Variants in CTNNA2 observed in about 807,000 individuals in gnomAD.
The protein encoded by CTNNA2 is catenin alpha-2.
Under a neutral mutation model 101.0 loss-of-function variants are expected in CTNNA2, and 42 were observed. The ratio of observed to expected loss-of-function variants is 0.42; its 90% CI spans 0.32 to 0.54. The LOEUF (loss-of-function observed/expected upper bound fraction) is 0.54, where lower values mean the gene tolerates loss of function less well. CTNNA2 is among the 20% of genes least tolerant of loss of function. CTNNA2 has a pLI of 0.14. For synonymous variants in CTNNA2, 450 were observed against 456.4 expected (o/e 0.99, Z 0.18); for missense variants, 871 against 1,223.1 (o/e 0.71, Z 4.29).
chr2:79,629,116 A>C (rs1293768321), intron 1 of CTNNA2, among the ~76,000 whole-genome samples: 1 of 152,058 alleles, frequency 6.6e-6, no homozygotes, highest in South Asian at 2.1e-4. Context: ...TGCTTCCCCT[A>C]TGCCAGCCAT....
chr2:79,193,191 T>A (rs780995956), intron 1 of CTNNA2, among the ~76,000 whole-genome samples: 1 of 152,214 alleles, frequency 6.6e-6, no homozygotes, highest in Non-Finnish European at 1.5e-5. Context: ...TTTTTTACTA[T>A]AATGTATTCA....
chr2:79,316,761 G>GTATAGAAA (rs1676507320), intron 3 of CTNNA2, among the ~76,000 whole-genome samples: 1 of 151,596 alleles, frequency 6.6e-6, no homozygotes, highest in Non-Finnish European at 1.5e-5. Flanking sequence ...TGTATATCCT[G>GTATAGAAA]TAAACTTGCT....
chr2:79,325,908 G>A (rs1230157992), intron 3 of CTNNA2, among the ~76,000 whole-genome samples: 2 of 152,152 alleles, frequency 1.3e-5, no homozygotes, highest in African/African-American at 4.8e-5. Flanking sequence ...GCATGTTTAG[G>A]AATGTGGGTG....
chr2:79,369,797 C>T (rs1677830519), intron 3 of CTNNA2, among the ~76,000 whole-genome samples: 1 of 152,168 alleles, frequency 6.6e-6, no homozygotes, highest in African/African-American at 2.4e-5. Context: ...TAAATTCTGT[C>T]CAACGTTCAA....
At chr2:79,701,392 G>A (rs1310662537) in intron 2 of CTNNA2, among the ~76,000 whole-genome samples, 2 of 152,090 alleles carry the variant, frequency 1.3e-5, no homozygotes, top group East Asian at 1.9e-4. Context: ...GCACCCCAAA[G>A]GCTAGTCTAA....
intron 3 of CTNNA2, among the ~76,000 whole-genome samples, chr2:79,842,868 A>G (rs1342298974): frequency 1.3e-5 from 2 of 152,198 alleles, no homozygotes; most frequent in Non-Finnish European, 2.9e-5. Context: ...CATCATTGAA[A>G]TTGTTACTTA....
intron 7 of CTNNA2, among the ~76,000 whole-genome samples, chr2:80,160,728 T>C (rs1466443250): frequency 6.6e-6 from 1 of 152,164 alleles, no homozygotes; most frequent in Non-Finnish European, 1.5e-5. Flanking sequence ...CTGCAATACA[T>C]TGTTTTTTTC....
chr2:80,146,507 T>A (rs1703343059), intron 7 of CTNNA2, among the ~76,000 whole-genome samples: 1 of 152,022 alleles, frequency 6.6e-6, no homozygotes, highest in South Asian at 2.1e-4. Context: ...CATTTTTTTC[T>A]CTATCCGTGA....
intron 3 of CTNNA2, among the ~76,000 whole-genome samples, chr2:79,368,934 A>G (rs576099964): frequency 6.6e-6 from 1 of 152,300 alleles, no homozygotes; most frequent in East Asian, 1.9e-4. Flanking sequence ...TTTTCCCTAA[A>G]AGGCCTGGAT....
intron 7 of CTNNA2, among the ~76,000 whole-genome samples, chr2:79,975,287 T>G (rs1690753836): frequency 6.6e-6 from 1 of 152,180 alleles, no homozygotes; most frequent in South Asian, 2.1e-4. Flanking sequence ...TTGTTCACCC[T>G]TCATGTATAT....
intron 2 of CTNNA2, among the ~76,000 whole-genome samples, chr2:79,739,805 G>A (rs932979382): frequency 3.9e-5 from 6 of 152,190 alleles, no homozygotes; most frequent in African/African-American, 1.2e-4. Context: ...ATGTGTTCCT[G>A]CTGCTCTGAC....
chr2:80,421,361 A>G (rs963827265), intron 9 of CTNNA2, among the ~76,000 whole-genome samples: 1 of 152,194 alleles, frequency 6.6e-6, no homozygotes, highest in Admixed American at 6.5e-5. Flanking sequence ...TGTGTGATAA[A>G]CATCTACTTT....
chr2:80,641,439 G>C (rs1443493370), intron 18 of CTNNA2, among the ~76,000 whole-genome samples: 2 of 152,086 alleles, frequency 1.3e-5, no homozygotes, highest in Non-Finnish European at 2.9e-5. Context: ...GTAAATATAT[G>C]AATTCAGAAC....
At chr2:79,648,686 C>G (rs1681000880) in intron 1 of CTNNA2, among the ~76,000 whole-genome samples, 1 of 152,122 alleles carries the variant, frequency 6.6e-6, no homozygotes. Flanking sequence ...CAAAGGGAAT[C>G]TTACATATCA....
intron 6 of CTNNA2, among the ~76,000 whole-genome samples, chr2:79,878,658 T>G (rs1032232754): frequency 7.2e-5 from 11 of 152,226 alleles, no homozygotes; most frequent in Non-Finnish European, 1.3e-4. Context: ...TTCATATCCT[T>G]TCTCCACTTT....
intron 7 of CTNNA2, among the ~76,000 whole-genome samples, chr2:80,387,382 T>C (rs1677117538): frequency 6.6e-6 from 1 of 152,202 alleles, no homozygotes; most frequent in African/African-American, 2.4e-5. Flanking sequence ...ATCAGTTGTG[T>C]ATTATTCAGC....
At chr2:79,744,045 G>A (rs1671475939) in intron 2 of CTNNA2, among the ~76,000 whole-genome samples, 1 of 151,950 alleles carries the variant, frequency 6.6e-6, no homozygotes, top group South Asian at 2.1e-4. Flanking sequence ...TTGCTTCCTT[G>A]CCACCCTGAG....
At chr2:79,922,792 C>A (rs1349603126) in intron 7 of CTNNA2, among the ~76,000 whole-genome samples, 1 of 152,126 alleles carries the variant, frequency 6.6e-6, no homozygotes, top group Admixed American at 6.6e-5. Flanking sequence ...CGCCCAAGGT[C>A]ACATGTTTAG....
chr2:80,415,601 G>A (rs144406813), intron 8 of CTNNA2, among the ~76,000 whole-genome samples: 20 of 152,234 alleles, frequency 1.3e-4, no homozygotes, highest in Admixed American at 2.6e-4. Context: ...AGCTTTGAAC[G>A]TTGTTTGTGG....
Sources: allele counts gnomAD v4.1 joint callset (sites outside exome capture counted in the v4.1 genomes callset), GRCh38; gene constraint gnomAD v4.1.1; transcripts MANE v1.5; gene names NCBI Gene and HGNC (gene_info 2026-07-23, HGNC 2026-07-21).